Variants in ABCC4 observed in about 807,000 individuals in gnomAD.
The protein encoded by ABCC4 is ATP binding cassette subfamily C member 4 (PEL blood group), also known as ATP-binding cassette sub-family C member 4.
ABCC4 carries 102 observed loss-of-function variants against 168.5 expected under a neutral mutation model. The observed-to-expected ratio is 0.61, with a 90% CI of 0.52 to 0.71. The LOEUF is 0.71. Among genes scored for constraint, ABCC4 ranks in the 30% least tolerant of loss-of-function variants. The pLI, the probability that ABCC4 is intolerant of heterozygous loss-of-function variation, is 0.00. For missense variants in ABCC4, 1,402 were observed against 1,605.8 expected (o/e 0.87, Z 2.17); for synonymous variants, 617 against 590.7 (o/e 1.04, Z -0.65).
chr13:95,291,658 C>T (rs1030109689), intron 1 of ABCC4, among the ~76,000 whole-genome samples: 1 of 152,172 alleles, frequency 6.6e-6, no homozygotes, highest in African/African-American at 2.4e-5. Flanking sequence ...TGGGGACAAG[C>T]CCTGCGGACT....
chr13:95,055,389 T>C (rs2033014488), intron 26 of ABCC4, among the ~76,000 whole-genome samples: 1 of 152,248 alleles, frequency 6.6e-6, no homozygotes, highest in South Asian at 2.1e-4. Context: ...TGATGGTATA[T>C]ATTTTAAAAT....
chr13:95,196,700 GGAAGGAAGGAAGGAAGGA>G (rs2038459731), intron 8 of ABCC4, among the ~76,000 whole-genome samples: 1 of 87,240 alleles, frequency 1.1e-5, no homozygotes, highest in East Asian at 2.6e-4. Flanking sequence ...AAGGAAGGAA[GGAAGGAAGGAAGGAAGGA>G]AGGAAGGAAG....
At chr13:95,153,986 GA>G (rs4148503) in intron 19 of ABCC4, among the ~76,000 whole-genome samples, 14,545 of 152,016 alleles carry the variant, frequency 0.096, 806 homozygotes, top group Middle Eastern at 0.15. Context: ...ATTGTTATGT[GA>G]AAAAAACATT....
chr13:95,244,622 A>G (rs80250842), intron 3 of ABCC4, among the ~76,000 whole-genome samples: 748 of 63,970 alleles, frequency 0.012, 63 homozygotes, highest in Non-Finnish European at 0.019. Context: ...AGAAAGAAAG[A>G]AAGAAAGAAA....
chr13:95,218,981 GAA>G (rs1206905711), intron 4 of ABCC4, among the ~76,000 whole-genome samples: 146 of 53,404 alleles, frequency 2.7e-3, no homozygotes, highest in Middle Eastern at 0.015. Context: ...AAGAAAGAAA[GAA>G]AGAGTGAGAA....
chr13:95,212,440 T>A (rs997191196), intron 4 of ABCC4, among the ~76,000 whole-genome samples: 2 of 152,174 alleles, frequency 1.3e-5, no homozygotes, highest in South Asian at 2.1e-4. Flanking sequence ...TACCTAATTT[T>A]AAAAAAATAA....
chr13:95,160,010 T>C (rs1315464933), intron 19 of ABCC4, among the ~76,000 whole-genome samples: 1 of 152,218 alleles, frequency 6.6e-6, no homozygotes, highest in Non-Finnish European at 1.5e-5. Flanking sequence ...TTAATTCTCA[T>C]AAGATTTCAA....
chr13:95,247,697 A>AT lies in ABCC4; in HGVS notation c.130dup (p.Met44AsnfsTer23). 6.2e-7 allele frequency: 1 copy of AT among 1,614,090 alleles called. No individual in the cohort carries two copies. Among genetic ancestry groups the AT allele is most frequent in the Non-Finnish European group, 8.5e-7 (1 of 1,180,008 alleles). On this transcript the variant is annotated frameshift_variant, in exon 2 of 31. Transcript: ENST00000645237. LOFTEE classifies it high-confidence loss of function. The stretch of plus-strand genomic sequence containing the variant: ...GCGGTCTTCTGGCAGCACTGAATAC[A>AT]TATCATCTTCCTCTAATCTCCGTTT...
At chr13:95,290,565 C>T (rs1031119735) in intron 1 of ABCC4, among the ~76,000 whole-genome samples, 4 of 151,964 alleles carry the variant, frequency 2.6e-5, no homozygotes, top group South Asian at 2.1e-4. Flanking sequence ...ATCAGCTAGG[C>T]GTAGTGCCAC....
intron 3 of ABCC4, among the ~76,000 whole-genome samples, chr13:95,241,752 T>A (rs1008872459): frequency 2.6e-5 from 4 of 151,340 alleles, no homozygotes; most frequent in Non-Finnish European, 5.9e-5. Context: ...TAATCTCACT[T>A]GCATTACTTT....
intron 20 of ABCC4, among the ~76,000 whole-genome samples, chr13:95,099,005 C>T (rs1271239991): frequency 6.6e-6 from 1 of 152,118 alleles, no homozygotes; most frequent in Non-Finnish European, 1.5e-5. Context: ...TTTACGAACC[C>T]AGCAATTCCA....
intron 25 of ABCC4, among the ~76,000 whole-genome samples, chr13:95,065,640 C>A (rs938423842): frequency 6.6e-6 from 1 of 152,148 alleles, no homozygotes; most frequent in Non-Finnish European, 1.5e-5. Flanking sequence ...GAAGCTACAT[C>A]TTTGCAAGCA....
chr13:95,296,417 T>C (rs1429535488), intron 1 of ABCC4, among the ~76,000 whole-genome samples: 2 of 152,118 alleles, frequency 1.3e-5, no homozygotes, highest in African/African-American at 4.8e-5. Context: ...CTCTAAGCCA[T>C]CCCCTGCCCT....
Position 95,081,066 on chromosome 13 carries a change from G to T in ABCC4, c.2686+2074C>A, listed in dbSNP as rs117039364. The stretch of plus-strand genomic sequence containing the variant: ...AACCAGCCCCCGTGGTTGGTGATCT[G>T]AGCGCATGGAGAAAGAATCCTGCAT... On this transcript the variant is annotated intron_variant, in intron 21 of 30. Coordinates refer to ENST00000645237, the MANE Select transcript of ABCC4 (RefSeq NM_005845.5). 2.9e-4 allele frequency among the ~76,000 whole-genome samples: 42 copies of T among 147,216 alleles called. No homozygotes were observed. In the East Asian group the frequency reaches 8.1e-3, roughly 28 times the overall value.
intron 19 of ABCC4, among the ~76,000 whole-genome samples, chr13:95,120,567 C>CAAAAA (rs35906536): frequency 2.2e-5 from 2 of 90,842 alleles, no homozygotes; most frequent in Non-Finnish European, 2.1e-5. Flanking sequence ...GAGACTCCGT[C>CAAAAA]AAAAAAAAAA....
intron 13 of ABCC4, among the ~76,000 whole-genome samples, chr13:95,177,307 C>T (rs997727347): frequency 2.6e-5 from 4 of 152,196 alleles, no homozygotes; most frequent in Non-Finnish European, 4.4e-5. Context: ...AGGAAAAGAG[C>T]TGAAAGACAA....
intron 1 of ABCC4, among the ~76,000 whole-genome samples, chr13:95,258,345 C>G (rs2040443893): frequency 1.3e-5 from 2 of 152,188 alleles, no homozygotes; most frequent in East Asian, 1.9e-4. Flanking sequence ...GTGTTTCTGA[C>G]AGTCTCCCAC....
At chr13:95,227,689 G>A (rs939308483) in intron 4 of ABCC4, among the ~76,000 whole-genome samples, 2 of 152,160 alleles carry the variant, frequency 1.3e-5, no homozygotes, top group Non-Finnish European at 2.9e-5. Flanking sequence ...TTTGTAAAAA[G>A]GCCCAAAGGA....
intron 19 of ABCC4, among the ~76,000 whole-genome samples, chr13:95,125,730 T>C (rs2035736328): frequency 6.6e-6 from 1 of 152,162 alleles, no homozygotes. Flanking sequence ...ACCTGATAAA[T>C]TGCCTCGGGA....
Sources: gnomAD v4.1 joint callset for allele counts (sites outside exome capture counted in the v4.1 genomes callset) on GRCh38, gnomAD v4.1.1 for gene constraint, MANE v1.5 for transcripts, NCBI Gene and HGNC (gene_info 2026-07-23, HGNC 2026-07-21) for gene names.